The following NALCN variants were observed in gnomAD, a reference collection of about 807,000 sequenced individuals.
NALCN encodes sodium leak channel, non-selective.
NALCN carries 111 observed loss-of-function variants against 225.3 expected under a neutral mutation model. The observed-to-expected ratio is 0.49, with a 90% CI of 0.42 to 0.58. The LOEUF (loss-of-function observed/expected upper bound fraction) is 0.58, where lower values mean the gene tolerates loss of function less well. NALCN is among the 20% of genes least tolerant of loss of function. NALCN has a pLI of 0.00. For synonymous variants in NALCN, 764 were observed against 769.0 expected (o/e 0.99, Z 0.11); for missense variants, 1,378 against 2,202.4 (o/e 0.63, Z 7.49).
chr13:101,389,476 C>T (rs1384047847), intron 3 of NALCN, among the ~76,000 whole-genome samples: 1 of 152,122 alleles, frequency 6.6e-6, no homozygotes, highest in Non-Finnish European at 1.5e-5. Context: ...CTTTCCAGAC[C>T]ACAGCCCCAT....
intron 20 of NALCN, among the ~76,000 whole-genome samples, chr13:101,110,055 G>T (rs2035348412): frequency 6.6e-6 from 1 of 152,092 alleles, no homozygotes; most frequent in Non-Finnish European, 1.5e-5. Context: ...TTACCCCACT[G>T]CTCCTCGTTC....
intron 18 of NALCN, among the ~76,000 whole-genome samples, chr13:101,111,895 T>G (rs976834799): frequency 1.3e-5 from 2 of 152,138 alleles, no homozygotes; most frequent in African/African-American, 2.4e-5. Flanking sequence ...GAAAACAGAT[T>G]AATACACACA....
intron 13 of NALCN, among the ~76,000 whole-genome samples, chr13:101,224,632 G>GA (rs1297843561): frequency 1.3e-5 from 2 of 152,060 alleles, no homozygotes; most frequent in African/African-American, 4.8e-5. Flanking sequence ...CTTTGAACAG[G>GA]AAATATAACC....
At chr13:101,181,355 T>C in intron 14 of NALCN, 1 of 518,132 alleles carries the variant, frequency 1.9e-6, no homozygotes, top group South Asian at 1.4e-5. Flanking sequence ...AATCACAAAG[T>C]GATGACATCA....
chr13:101,413,137 G>A (rs2047836644), intron 1 of NALCN, among the ~76,000 whole-genome samples: 1 of 152,078 alleles, frequency 6.6e-6, no homozygotes, highest in Non-Finnish European at 1.5e-5. Flanking sequence ...AGCAGATTAA[G>A]CAATTTATTC....
chr13:101,086,080 C>T (rs1007091473), intron 30 of NALCN, among the ~76,000 whole-genome samples: 1 of 151,752 alleles, frequency 6.6e-6, no homozygotes, highest in African/African-American at 2.4e-5. Context: ...TTTTGTTCAA[C>T]CTTCCTAGAG....
At chr13:101,178,386 C>T (rs909390731) in intron 14 of NALCN, among the ~76,000 whole-genome samples, 1 of 152,180 alleles carries the variant, frequency 6.6e-6, no homozygotes, top group Admixed American at 6.5e-5. Flanking sequence ...TCCTGTTCGC[C>T]TCCCTTTTCT....
intron 10 of NALCN, among the ~76,000 whole-genome samples, chr13:101,263,792 A>G (rs1164196867): frequency 6.6e-6 from 1 of 152,228 alleles, no homozygotes; most frequent in Non-Finnish European, 1.5e-5. Flanking sequence ...TTAAATAAGA[A>G]TTAAGGTGAT....
chr13:101,354,162 A>C lies in NALCN; in HGVS notation c.645-8742T>G, dbSNP rs1034005910. Among the ~76,000 whole-genome samples, 6 of 152,244 alleles carry C rather than the reference A, an allele frequency of 3.9e-5. No individual in the cohort carries two copies. In the East Asian group the frequency reaches 1.2e-3, roughly 29 times the overall value. On this transcript the variant is annotated intron_variant, in intron 6 of 43. Coordinates refer to ENST00000251127, the MANE Select transcript of NALCN (RefSeq NM_052867.4). ...AATTCGAGACCAGCCTGGCCAACAC[A>C]GTAAAACCCATCTCTACTAAAAATA... is the stretch of plus-strand genomic sequence containing the variant.
At chr13:101,415,685 G>A (rs1411879953) in intron 1 of NALCN, among the ~76,000 whole-genome samples, 1 of 152,138 alleles carries the variant, frequency 6.6e-6, no homozygotes, top group Non-Finnish European at 1.5e-5. Flanking sequence ...CCCTAATGAC[G>A]GCTGCTTAAC....
chr13:101,393,141 AAC>A (rs1364165580), intron 3 of NALCN, among the ~76,000 whole-genome samples: 1 of 152,230 alleles, frequency 6.6e-6, no homozygotes, highest in African/African-American at 2.4e-5. Flanking sequence ...TGATACTTCT[AAC>A]ACACACAGAG....
At chr13:101,196,488 T>C (rs1225729306) in intron 13 of NALCN, among the ~76,000 whole-genome samples, 1 of 152,184 alleles carries the variant, frequency 6.6e-6, no homozygotes, top group Non-Finnish European at 1.5e-5. Context: ...ACTTTTAACA[T>C]TATTATCTAG....
At chr13:101,279,564 C>A (rs1197946580) in intron 10 of NALCN, among the ~76,000 whole-genome samples, 2 of 152,154 alleles carry the variant, frequency 1.3e-5, no homozygotes, top group Admixed American at 6.5e-5. Context: ...CGCCTGTAAT[C>A]CCAGCACTTT....
At chr13:101,385,473 T>C (rs1431705767) in intron 3 of NALCN, among the ~76,000 whole-genome samples, 4 of 152,188 alleles carry the variant, frequency 2.6e-5, no homozygotes, top group African/African-American at 9.7e-5. Flanking sequence ...ATGTAGATTC[T>C]CATTATACTA....
chr13:101,414,227 T>A (rs1232068863), intron 1 of NALCN, among the ~76,000 whole-genome samples: 1 of 152,130 alleles, frequency 6.6e-6, no homozygotes, highest in African/African-American at 2.4e-5. Context: ...TATCATAGTT[T>A]CCACAGCAAA....
intron 18 of NALCN, chr13:101,116,509 G>A (rs755073310): frequency 4.1e-5 from 21 of 516,838 alleles, no homozygotes; most frequent in Non-Finnish European, 7.3e-5. Context: ...ACAGTAGCAG[G>A]GGGTCCCCGG....
intron 11 of NALCN, among the ~76,000 whole-genome samples, chr13:101,252,937 A>C (rs1046642182): frequency 6.6e-6 from 1 of 152,198 alleles, no homozygotes; most frequent in Non-Finnish European, 1.5e-5. Flanking sequence ...GTGCTGATAA[A>C]TTTTGTTAAA....
intron 2 of NALCN, among the ~76,000 whole-genome samples, chr13:101,397,343 C>T (rs1055166119): frequency 6.7e-6 from 1 of 150,024 alleles, no homozygotes; most frequent in African/African-American, 2.4e-5. Context: ...CATTATATAA[C>T]ATTATAAAAC....
intron 1 of NALCN, among the ~76,000 whole-genome samples, chr13:101,404,275 A>G (rs2047557353): frequency 1.3e-5 from 2 of 152,234 alleles, no homozygotes; most frequent in Admixed American, 6.5e-5. Context: ...GCTATCGGGC[A>G]TAATGAGATT....
Sources: allele counts gnomAD v4.1 joint callset (sites outside exome capture counted in the v4.1 genomes callset), GRCh38; gene constraint gnomAD v4.1.1; transcripts MANE v1.5; gene names NCBI Gene and HGNC (gene_info 2026-07-23, HGNC 2026-07-21).